DRC9: variants seen among roughly 807,000 people sequenced by gnomAD.
DRC9 encodes dynein regulatory complex subunit 9.
chr3:197,904,514 T>C, the DRC9 span, among the ~76,000 whole-genome samples: 14 of 152,178 alleles, frequency 9.2e-5, no homozygotes, highest in Non-Finnish European at 1.6e-4. Context: ...TGCAGCACTG[T>C]TCACAATAGC....
the DRC9 span, among the ~76,000 whole-genome samples, chr3:197,948,086 A>C: frequency 0.37 from 55,211 of 151,190 alleles, 15,217 homozygotes; most frequent in African/African-American, 0.78. Flanking sequence ...GCACACACCA[A>C]CACCCCTGGC....
the DRC9 span, among the ~76,000 whole-genome samples, chr3:197,921,123 C>T: frequency 7.5e-6 from 1 of 132,730 alleles, no homozygotes; most frequent in Non-Finnish European, 1.6e-5. Flanking sequence ...TTGGTCGACC[C>T]GACTACTGGT....
the DRC9 span, among the ~76,000 whole-genome samples, chr3:197,930,309 C>T: frequency 2.0e-5 from 3 of 152,128 alleles, no homozygotes; most frequent in Admixed American, 2.0e-4. Flanking sequence ...GATCATGCCA[C>T]TGCACTCTAG....
At chr3:197,919,785 C>T in the DRC9 span, among the ~76,000 whole-genome samples, 6 of 152,168 alleles carry the variant, frequency 3.9e-5, no homozygotes, top group South Asian at 1.2e-3. Context: ...AAGCTACTAT[C>T]TGGGAAGTTG....
At chr3:197,936,364 T>C in the DRC9 span, among the ~76,000 whole-genome samples, 1 of 152,106 alleles carries the variant, frequency 6.6e-6, no homozygotes, top group Admixed American at 6.5e-5. Flanking sequence ...TGTTGCTGTT[T>C]TGCTTTTTAA....
chr3:197,940,316 T>TAC, the DRC9 span, among the ~76,000 whole-genome samples: 14 of 148,838 alleles, frequency 9.4e-5, no homozygotes, highest in Non-Finnish European at 1.8e-4. Context: ...TACATATATA[T>TAC]ATATATATAA....
At chr3:197,932,631 C>CAATAAATA in the DRC9 span, among the ~76,000 whole-genome samples, 634 of 143,014 alleles carry the variant, frequency 4.4e-3, 5 homozygotes, top group African/African-American at 9.4e-3. Flanking sequence ...GACTCCGTCT[C>CAATAAATA]AATAAATAAA....
the DRC9 span, among the ~76,000 whole-genome samples, chr3:197,942,362 C>G: frequency 9.4e-6 from 1 of 106,638 alleles, no homozygotes; most frequent in Non-Finnish European, 1.7e-5. Flanking sequence ...CCAGCCTGGG[C>G]AACAGAGCGA....
At chr3:197,950,867 A>T in the DRC9 span, 1 of 1,485,436 alleles carries the variant, frequency 6.7e-7, no homozygotes, top group Non-Finnish European at 9.4e-7. Context: ...TTAGGGGCTT[A>T]AACGAGAGGG....
the DRC9 span, among the ~76,000 whole-genome samples, chr3:197,932,872 A>G: frequency 4.4e-5 from 6 of 136,782 alleles, no homozygotes; most frequent in Admixed American, 4.7e-4. Flanking sequence ...TATGTATAAT[A>G]TATATTATAT....
At chr3:197,954,022 G>A in the DRC9 span, 18 of 1,613,060 alleles carry the variant, frequency 1.1e-5, no homozygotes, top group African/African-American at 2.7e-5. Flanking sequence ...CACTCCTGGC[G>A]GCAAACCAAA....
chr3:197,915,479 C>G, the DRC9 span, among the ~76,000 whole-genome samples: 2 of 152,054 alleles, frequency 1.3e-5, no homozygotes, highest in African/African-American at 4.8e-5. Flanking sequence ...AGGGAGGTAA[C>G]ATTTGTTTGA....
the DRC9 span, among the ~76,000 whole-genome samples, chr3:197,895,926 G>A: frequency 1.5e-5 from 2 of 136,392 alleles, no homozygotes; most frequent in South Asian, 4.6e-4. Flanking sequence ...AGTGAACTGA[G>A]ATTGCACCAT....
the DRC9 span, chr3:197,957,871 C>T: frequency 2.6e-5 from 4 of 152,038 alleles, no homozygotes; most frequent in Admixed American, 2.0e-4. Flanking sequence ...AACATAAAAC[C>T]GTAAAGTGTA....
the DRC9 span, chr3:197,950,857 T>C: frequency 1.5e-6 from 2 of 1,353,604 alleles, no homozygotes; most frequent in Non-Finnish European, 2.1e-6. Flanking sequence ...GGAATTTGCT[T>C]TAGGGGCTTA....
At chr3:197,939,025 T>C in the DRC9 span, 169 of 456,304 alleles carry the variant, frequency 3.7e-4, no homozygotes, top group East Asian at 6.2e-3. Flanking sequence ...TAAAGTTCTT[T>C]GTGAAATATC....
At chr3:197,928,954 G>A in the DRC9 span, among the ~76,000 whole-genome samples, 1 of 152,200 alleles carries the variant, frequency 6.6e-6, no homozygotes, top group African/African-American at 2.4e-5. Flanking sequence ...TCAAAAGTCT[G>A]GCAAAGGAGC....
chr3:197,932,166 A>G, the DRC9 span: 1 of 1,610,142 alleles, frequency 6.2e-7, no homozygotes, highest in Non-Finnish European at 8.5e-7. Context: ...ACCTAACATG[A>G]CTCTGACCTG....
the DRC9 span, among the ~76,000 whole-genome samples, chr3:197,932,668 A>AATAC: frequency 6.8e-6 from 1 of 146,196 alleles, no homozygotes; most frequent in Non-Finnish European, 1.5e-5. Context: ...TAAATAAATA[A>AATAC]ATAATATTTT....
Sources: allele counts gnomAD v4.1 joint callset (sites outside exome capture counted in the v4.1 genomes callset), GRCh38; gene constraint gnomAD v4.1.1; transcripts MANE v1.5; gene names NCBI Gene and HGNC (gene_info 2026-07-23, HGNC 2026-07-21).